The following CCN5 variants were observed in gnomAD, a reference collection of about 807,000 sequenced individuals.
CCN5 encodes CCN family member 5.
Under a neutral mutation model 18.7 loss-of-function variants are expected in CCN5, and 17 were observed. That is an observed-to-expected ratio of 0.91 (90% CI 0.62 to 1.36). The LOEUF (loss-of-function observed/expected upper bound fraction) is 1.36. Among genes scored for constraint, CCN5 ranks in the 40% most tolerant of loss-of-function variants. CCN5 has a pLI of 0.00. For missense variants in CCN5, 367 were observed against 342.9 expected (o/e 1.07, Z -0.56); for synonymous variants, 135 against 145.2 (o/e 0.93, Z 0.50).
At chr20:44,721,150 A>T (rs1236974401) in intron 2 of CCN5, 1 of 151,516 alleles carries the variant, frequency 6.6e-6, no homozygotes, top group African/African-American at 2.4e-5. Context: ...ATAAGAACGA[A>T]AGAGAGAGAG....
intron 1 of CCN5, among the ~76,000 whole-genome samples, chr20:44,716,222 G>C (rs575727017): frequency 1.3e-5 from 2 of 152,302 alleles, no homozygotes; most frequent in Admixed American, 1.3e-4. Context: ...CATGGATGTA[G>C]GGGGAGAAGC....
At position 44,719,925 on chromosome 20, in the gene CCN5, G is replaced by A. The variant is rs2065885511; in HGVS notation, c.89G>A (p.Cys30Tyr). The change falls in exon 2 of 4, where the codon TGT becomes TAT. Residue 30 changes from cysteine to tyrosine, a missense_variant. By Grantham distance (194) the Cys-to-Tyr change is radical. Coordinates refer to ENST00000190983, the MANE Select transcript of CCN5 (RefSeq NM_003881.4). ...CGTACCCAGCTGTGCCCGACACCAT[G>A]TACCTGCCCCTGGCCACCTCCCCGA... ...KVRTQLCPTP[C>Y]TCPWPPPRCP... 1 of 1,613,710 alleles carries A rather than the reference G, an allele frequency of 6.2e-7. No individual in the cohort carries two copies. Among genetic ancestry groups the A allele is most frequent in the East Asian group, 2.2e-5 (1 of 44,886 alleles).
At chr20:44,720,261 C>T in intron 2 of CCN5, 148 bp downstream of exon 2, 1 of 829,284 alleles carries the variant, frequency 1.2e-6, no homozygotes, top group Non-Finnish European at 1.9e-6. Context: ...CTTGGTGTCC[C>T]AAAGCCCACT....
intron 3 of CCN5, 45 bp downstream of exon 3, chr20:44,725,037 C>T (rs1362889179): frequency 2.7e-6 from 4 of 1,471,572 alleles, no homozygotes; most frequent in Admixed American, 2.6e-5. Flanking sequence ...TGCCTGGGGG[C>T]GCCAAGGGCC....
At position 44,727,174 on chromosome 20, in the gene CCN5, C is replaced by T. The variant is rs144828511; in HGVS notation, c.620C>T (p.Thr207Ile). The T allele has an allele frequency of 6.4e-5, 104 of 1,614,016 alleles. No homozygotes were observed. In the African/African-American group the frequency reaches 1.1e-3, roughly 17 times the overall value. The change falls in exon 4 of 4, where the codon ACC (threonine) becomes ATC (isoleucine). Residue 207 changes from threonine (T) to isoleucine (I), a missense_variant. Thr to Ile is a moderately conservative substitution (Grantham distance 89). Transcript: ENST00000190983. ...ACGGCCTGGGGACCCTGCTCGACCA[C>T]CTGTGGGCTGGGCATGGCCACCCGG... ...WSTAWGPCST[T>I]CGLGMATRVS...
At chr20:44,721,293 G>C (rs2065897767) in intron 2 of CCN5, 1 of 149,144 alleles carries the variant, frequency 6.7e-6, no homozygotes, top group East Asian at 2.0e-4. Flanking sequence ...GACCACTTGA[G>C]CCCAGGAGTT....
In CCN5 at chr20:44,720,115, T is replaced by A; in HGVS notation, c.277+2T>A. On this transcript the variant is annotated splice_donor_variant, in intron 2 of 3. Transcript: ENST00000190983. LOFTEE classifies it high-confidence loss of function. Reference sequence around the variant, plus strand: ...GTGGCCGGGGGGCCCTGTGCCTCTGTAAGCAGGTTTGCAGGACTGAGTGGG... The same window carrying A: ...GTGGCCGGGGGGCCCTGTGCCTCTGAAAGCAGGTTTGCAGGACTGAGTGGG... The A allele has an allele frequency of 6.5e-7, 1 of 1,544,174 alleles. No individual in the cohort carries two copies. The highest frequency in any genetic ancestry group is 8.7e-7 in the Non-Finnish European group (1 of 1,150,956).
At chr20:44,715,284 T>TCC, upstream of CCN5, 2 of 884,148 alleles carry the variant, frequency 2.3e-6, no homozygotes. Context: ...CGCGCGCGTG[T>TCC]GTACTCGTGC....
At position 44,727,331 on chromosome 20, in the gene CCN5, G is replaced by C. The variant is rs544099366; in HGVS notation, c.*24G>C. 1 of 1,588,962 alleles carries C rather than the reference G, an allele frequency of 6.3e-7. No individual in the cohort carries two copies. The highest frequency in any genetic ancestry group is 1.3e-5 in the African/African-American group (1 of 74,444). ...AGAGCCGGGCTGGGAATGGGGACAC[G>C]GTGTCCACCATCCCCAGCTGGTGGC... On this transcript the variant is annotated 3_prime_UTR_variant, in exon 4 of 4. Transcript: ENST00000190983.
At chr20:44,721,835 G>GA (rs896343102) in intron 2 of CCN5, among the ~76,000 whole-genome samples, 10 of 152,138 alleles carry the variant, frequency 6.6e-5, no homozygotes, top group Non-Finnish European at 1.3e-4. Flanking sequence ...CTTATAAATG[G>GA]AAAAAAGGGG....
chr20:44,719,646 C>T (rs2065883487), intron 1 of CCN5, among the ~76,000 whole-genome samples: 1 of 152,188 alleles, frequency 6.6e-6, no homozygotes, highest in South Asian at 2.1e-4. Flanking sequence ...CAGAGCCAGA[C>T]TCTGACTCCA....
At chr20:44,724,517 G>A in intron 2 of CCN5, 1 of 616,716 alleles carries the variant, frequency 1.6e-6, no homozygotes, top group East Asian at 3.3e-5. Context: ...AGTTTGGGGG[G>A]TCAATCCAGG....
chr20:44,721,183 T>C (rs143014266), intron 2 of CCN5: 1 of 152,092 alleles, frequency 6.6e-6, no homozygotes, highest in Non-Finnish European at 1.5e-5. Context: ...GAATCATTGA[T>C]AATGAATTCA....
Position 44,715,438 on chromosome 20 carries a change from C to T in CCN5, c.48C>T (p.Cys16=). The T allele has an allele frequency of 1.9e-6, 3 of 1,596,580 alleles. No individual in the cohort carries two copies. Among genetic ancestry groups the T allele is most frequent in the Non-Finnish European group, 2.6e-6 (3 of 1,171,638 alleles). The change falls in exon 1 of 4, where the codon TGC becomes TGT. Residue 16 remains cysteine (C), a synonymous_variant. Coordinates refer to ENST00000190983, the MANE Select transcript of CCN5 (RefSeq NM_003881.4). ...KTHLLAFSLL[C]LLSKVRTQLC... ...ACCTCCTGGCCTTCTCCCTCCTCTG[C>T]CTCCTCTCAAAGGTAAGGAGGCCCG...
At chr20:44,725,308 G>T (rs1046881805) in intron 3 of CCN5, among the ~76,000 whole-genome samples, 16 of 152,006 alleles carry the variant, frequency 1.1e-4, no homozygotes, top group Non-Finnish European at 1.6e-4. Context: ...CATGGTGGCG[G>T]GCATCTGTAG....
intron 2 of CCN5, 196 bp from the exon 3 acceptor site, chr20:44,724,542 A>G (rs1439194482): frequency 5.2e-6 from 4 of 773,796 alleles, no homozygotes; most frequent in East Asian, 3.0e-5. Context: ...TCTTCTTGCA[A>G]TCCCTGTGCC....
chr20:44,724,839 G>C lies in CCN5; in HGVS notation c.379G>C (p.Gly127Arg). ...CSIRCRCEDG[G>R]FTCVPLCSED... Reference sequence around the variant, plus strand: ...CATCCGCTGCCGCTGCGAGGACGGCGGCTTCACCTGCGTGCCGCTGTGCAG... The same window carrying C: ...CATCCGCTGCCGCTGCGAGGACGGCCGCTTCACCTGCGTGCCGCTGTGCAG... Residue 127 changes from glycine (G) to arginine (R), a missense_variant, in exon 3 of 4, where the codon GGC becomes CGC. Gly to Arg is a moderately radical substitution (Grantham distance 125). Transcript: ENST00000190983. The C allele has an allele frequency of 6.2e-7, 1 of 1,602,588 alleles. No individual in the cohort carries two copies. Among genetic ancestry groups the C allele is most frequent in the Non-Finnish European group, 8.5e-7 (1 of 1,175,594 alleles).
upstream of CCN5, chr20:44,715,260 TGAGCGCGCGCGCGCGCGCGC>T (rs2065849622): frequency 1.4e-4 from 27 of 190,890 alleles, no homozygotes; most frequent in Admixed American, 4.6e-4. Context: ...TGTGTGTGTG[TGAGCGCGCGCGCGCGCGCGC>T]GTGTGTACTC....
At chr20:44,720,327 T>TA in intron 2 of CCN5, 3 of 578,446 alleles carry the variant, frequency 5.2e-6, no homozygotes, top group Non-Finnish European at 3.0e-6. Flanking sequence ...ACTACCCCAA[T>TA]AACCTTTCCC....
Sources: allele counts gnomAD v4.1 joint callset (sites outside exome capture counted in the v4.1 genomes callset), GRCh38; gene constraint gnomAD v4.1.1; transcripts MANE v1.5; gene names NCBI Gene and HGNC (gene_info 2026-07-23, HGNC 2026-07-21).